Variants in MIPOL1 observed in about 807,000 individuals in gnomAD.
MIPOL1 encodes the protein mirror-image polydactyly gene 1 protein.
MIPOL1 carries 57 observed loss-of-function variants against 60.9 expected under a neutral mutation model. The ratio of observed to expected loss-of-function variants is 0.94; its 90% CI spans 0.76 to 1.17. MIPOL1 has a LOEUF of 1.17. Ranked by LOEUF, MIPOL1 falls within the 50% of genes most tolerant of loss-of-function variation. The pLI, the probability that MIPOL1 is intolerant of heterozygous loss-of-function variation, is 0.00. For missense variants in MIPOL1, 551 were observed against 511.6 expected (o/e 1.08, Z -0.74); for synonymous variants, 179 against 168.8 (o/e 1.06, Z -0.47).
At chr14:37,482,176 C>T (rs2094881368) in intron 11 of MIPOL1, among the ~76,000 whole-genome samples, 1 of 152,108 alleles carries the variant, frequency 6.6e-6, no homozygotes, top group Non-Finnish European at 1.5e-5. Flanking sequence ...GGAAACCATA[C>T]ATCTGATAAA....
intron 11 of MIPOL1, among the ~76,000 whole-genome samples, chr14:37,469,812 TCCA>T (rs2094655641): frequency 1.3e-5 from 2 of 152,176 alleles, no homozygotes; most frequent in Admixed American, 6.5e-5. Context: ...CTCTTGTGTG[TCCA>T]CCTTCCACCA....
intron 3 of MIPOL1, among the ~76,000 whole-genome samples, chr14:37,251,549 T>C (rs960816202): frequency 6.6e-6 from 1 of 151,458 alleles, no homozygotes; most frequent in Non-Finnish European, 1.5e-5. Flanking sequence ...AAGGGTTCTC[T>C]TTTGAAAAAA....
Position 37,307,990 on chromosome 14 carries a change from A to G in MIPOL1, c.624-66A>G, listed in dbSNP as rs2086929449. 28 of 1,351,428 alleles carry G rather than the reference A, an allele frequency of 2.1e-5. 2 individuals are homozygous for G. The South Asian group carries it at 3.4e-4, about 16-fold the overall frequency. The allele number at this position is 1,351,428 out of a possible 1,614,324, so 83.7% of individuals were successfully genotyped here. On this transcript the variant is annotated intron_variant, in intron 7 of 12. Coordinates refer to ENST00000684589, the MANE Select transcript of MIPOL1 (RefSeq NM_001388067.1). ...TACTTGAGGTTCTAAAGATTTAAAA[A>G]GCGAACTCATTTTGCTGCACTAAGG...
At chr14:37,217,921 A>T (rs1968027663) in intron 1 of MIPOL1, among the ~76,000 whole-genome samples, 1 of 152,202 alleles carries the variant, frequency 6.6e-6, no homozygotes, top group South Asian at 2.1e-4. Context: ...ATATGCTCTT[A>T]GTACTATGGA....
At chr14:37,325,943 C>T (rs559980068) in intron 9 of MIPOL1, among the ~76,000 whole-genome samples, 7 of 152,198 alleles carry the variant, frequency 4.6e-5, no homozygotes, top group South Asian at 2.1e-4. Flanking sequence ...TATGTCCTCC[C>T]GCGAAAGCTT....
rs1429473250 is a variant in MIPOL1 at position 37,303,074 on chromosome 14, T to G, written c.624-4982T>G. Among the ~76,000 whole-genome samples, 4 of 151,954 alleles carry G rather than the reference T, an allele frequency of 2.6e-5. No individual in the cohort carries two copies. The East Asian group carries it at 7.7e-4, about 29-fold the overall frequency. ...TTACGTAAATCAGTCACCAATTTTA[T>G]TCATGAGATTTGCTTCTAAAAAGAT... On this transcript the variant is annotated intron_variant, in intron 7 of 12. Transcript: ENST00000684589.
intron 1 of MIPOL1, among the ~76,000 whole-genome samples, chr14:37,244,654 A>C (rs1269952877): frequency 6.6e-6 from 1 of 151,482 alleles, no homozygotes; most frequent in Admixed American, 6.6e-5. Flanking sequence ...GTAATAACGT[A>C]ATCTTTATAT....
At chr14:37,364,147 G>C (rs2092388875) in intron 9 of MIPOL1, among the ~76,000 whole-genome samples, 1 of 152,210 alleles carries the variant, frequency 6.6e-6, no homozygotes, top group South Asian at 2.1e-4. Flanking sequence ...TGCACCCACT[G>C]TCTAACCAAT....
At chr14:37,532,971 ATGTT>A (rs764764911) in intron 12 of MIPOL1, among the ~76,000 whole-genome samples, 1 of 152,116 alleles carries the variant, frequency 6.6e-6, no homozygotes, top group African/African-American at 2.4e-5. Context: ...AAAAGTGTAT[ATGTT>A]TGTACACTAT....
At chr14:37,521,384 T>C (rs1183436919) in intron 12 of MIPOL1, among the ~76,000 whole-genome samples, 4 of 152,206 alleles carry the variant, frequency 2.6e-5, no homozygotes, top group Admixed American at 2.6e-4. Flanking sequence ...TTTAACTTCA[T>C]TTTTTAAGAA....
At chr14:37,307,418 G>A (rs1404311830) in intron 7 of MIPOL1, among the ~76,000 whole-genome samples, 5 of 151,862 alleles carry the variant, frequency 3.3e-5, no homozygotes, top group Admixed American at 6.6e-5. Flanking sequence ...TAGCCACTAC[G>A]ACTCTTAAAA....
chr14:37,268,906 A>G, intron 5 of MIPOL1, 113 bp downstream of exon 5: 1 of 888,606 alleles, frequency 1.1e-6, no homozygotes, highest in Non-Finnish European at 1.7e-6. Flanking sequence ...ATCATTTAAC[A>G]GTAGCTTTAT....
intron 10 of MIPOL1, among the ~76,000 whole-genome samples, chr14:37,393,821 TGTTTGTA>T (rs1306127110): frequency 6.6e-6 from 1 of 151,100 alleles, no homozygotes; most frequent in Non-Finnish European, 1.5e-5. Context: ...CACTGCACCC[TGTTTGTA>T]GTCTTTTATC....
chr14:37,354,118 G>A (rs934413456), intron 9 of MIPOL1, among the ~76,000 whole-genome samples: 10 of 150,706 alleles, frequency 6.6e-5, no homozygotes, highest in Admixed American at 2.6e-4. Flanking sequence ...CTTTGTTCTC[G>A]TTGGTTTCAA....
chr14:37,395,319 A>G (rs1261818206), intron 10 of MIPOL1, among the ~76,000 whole-genome samples: 2 of 152,076 alleles, frequency 1.3e-5, no homozygotes, highest in Non-Finnish European at 2.9e-5. Context: ...ATTGCATTGA[A>G]TTTGTAGATT....
intron 7 of MIPOL1, among the ~76,000 whole-genome samples, chr14:37,305,264 A>T (rs908068868): frequency 7.2e-5 from 11 of 151,866 alleles, no homozygotes; most frequent in African/African-American, 2.4e-4. Flanking sequence ...TCTAGCTTAG[A>T]AAATTATGGC....
chr14:37,367,440 T>A (rs2092508633), intron 9 of MIPOL1, among the ~76,000 whole-genome samples: 1 of 152,086 alleles, frequency 6.6e-6, no homozygotes, highest in Non-Finnish European at 1.5e-5. Context: ...GTTTCTACCA[T>A]GTAGTTTGGA....
At chr14:37,389,201 C>T (rs2093163594) in intron 10 of MIPOL1, among the ~76,000 whole-genome samples, 1 of 151,204 alleles carries the variant, frequency 6.6e-6, no homozygotes, top group Non-Finnish European at 1.5e-5. Context: ...ATTTTCCTAC[C>T]AGAAACACTA....
At chr14:37,488,378 A>G (rs974725955) in intron 11 of MIPOL1, among the ~76,000 whole-genome samples, 5 of 151,924 alleles carry the variant, frequency 3.3e-5, no homozygotes, top group East Asian at 3.9e-4. Context: ...GAATGTTCTT[A>G]TTAATTTTCT....
Sources: gnomAD v4.1 joint callset for allele counts (sites outside exome capture counted in the v4.1 genomes callset) on GRCh38, gnomAD v4.1.1 for gene constraint, MANE v1.5 for transcripts, NCBI Gene and HGNC (gene_info 2026-07-23, HGNC 2026-07-21) for gene names.